The following CLVS1 variants were observed in gnomAD, a reference collection of about 807,000 sequenced individuals.
The protein encoded by CLVS1 is clavesin-1.
In CLVS1, 10 loss-of-function variants were observed where a neutral mutation model predicts 33.1. The observed-to-expected ratio is 0.30, with a 90% CI of 0.19 to 0.51. The LOEUF (loss-of-function observed/expected upper bound fraction) is 0.51, where lower values mean the gene tolerates loss of function less well. Ranked by LOEUF, CLVS1 falls within the 20% of genes least tolerant of loss-of-function variation. CLVS1 has a pLI of 0.97. For missense variants in CLVS1, 343 were observed against 433.4 expected (o/e 0.79, Z 1.85); for synonymous variants, 163 against 166.1 (o/e 0.98, Z 0.14).
intron 3 of CLVS1, among the ~76,000 whole-genome samples, chr8:61,394,752 A>T (rs1814449849): frequency 1.3e-5 from 2 of 152,042 alleles, no homozygotes; most frequent in South Asian, 4.1e-4. Context: ...TTTTTGAGGA[A>T]CTGTCATACT....
intron 5 of CLVS1, among the ~76,000 whole-genome samples, chr8:61,459,661 A>C (rs181233714): frequency 6.6e-6 from 1 of 152,002 alleles, no homozygotes; most frequent in Non-Finnish European, 1.5e-5. Flanking sequence ...TCTCAATCCC[A>C]TTTCCTCCCA....
chr8:61,437,290 A>C (rs1816365867), intron 3 of CLVS1, among the ~76,000 whole-genome samples: 1 of 152,216 alleles, frequency 6.6e-6, no homozygotes, highest in African/African-American at 2.4e-5. Flanking sequence ...TGAGGGGTGG[A>C]ACTGTACTGT....
At chr8:61,288,433 G>C (rs534608069) in intron 1 of CLVS1, among the ~76,000 whole-genome samples, 6 of 152,326 alleles carry the variant, frequency 3.9e-5, no homozygotes, top group African/African-American at 1.4e-4. Context: ...TCACACAACT[G>C]TGTCTTGCCA....
chr8:61,433,130 T>G (rs1490511373), intron 3 of CLVS1, among the ~76,000 whole-genome samples: 1 of 152,208 alleles, frequency 6.6e-6, no homozygotes, highest in Non-Finnish European at 1.5e-5. Context: ...ACTTTTGTAT[T>G]TTTTGTAGAG....
the CLVS1 span, among the ~76,000 whole-genome samples, chr8:60,979,203 T>C: frequency 1.3e-5 from 2 of 152,156 alleles, no homozygotes; most frequent in Non-Finnish European, 2.9e-5. Flanking sequence ...TGTTTTCTTA[T>C]CTATAAAGGG....
chr8:60,998,391 G>A, the CLVS1 span, among the ~76,000 whole-genome samples: 178 of 152,162 alleles, frequency 1.2e-3, no homozygotes, highest in Non-Finnish European at 2.1e-3. Context: ...ATGTCACACC[G>A]GAATACCCGA....
chr8:61,357,295 G>A (rs1023029398), intron 2 of CLVS1, among the ~76,000 whole-genome samples: 8 of 151,892 alleles, frequency 5.3e-5, no homozygotes, highest in Admixed American at 3.3e-4. Flanking sequence ...TAAAGTCAAC[G>A]ATCTATGGAA....
At chr8:61,314,894 T>C (rs940821284) in intron 2 of CLVS1, among the ~76,000 whole-genome samples, 1 of 152,242 alleles carries the variant, frequency 6.6e-6, no homozygotes, top group African/African-American at 2.4e-5. Flanking sequence ...TGTTGAATTA[T>C]GTGTTATAGG....
chr8:61,203,615 C>T (rs912201076), intron 2 of CLVS1, among the ~76,000 whole-genome samples: 1 of 151,888 alleles, frequency 6.6e-6, no homozygotes, highest in African/African-American at 2.4e-5. Flanking sequence ...CTATTTATTT[C>T]TAATCAAATG....
intron 2 of CLVS1, among the ~76,000 whole-genome samples, chr8:61,356,184 A>C (rs1563513193): frequency 1.3e-5 from 2 of 151,610 alleles, no homozygotes; most frequent in Admixed American, 6.6e-5. Context: ...GCATTTTTTC[A>C]TGTGTTTTTT....
the CLVS1 span, among the ~76,000 whole-genome samples, chr8:61,008,626 G>C: frequency 6.6e-6 from 1 of 152,042 alleles, no homozygotes; most frequent in African/African-American, 2.4e-5. Context: ...TGCCACCACA[G>C]CAGGCGGGCA....
At chr8:61,244,744 G>A (rs1179948435) in intron 2 of CLVS1, among the ~76,000 whole-genome samples, 1 of 151,858 alleles carries the variant, frequency 6.6e-6, no homozygotes, top group Non-Finnish European at 1.5e-5. Context: ...TGTGTATGGG[G>A]GTATAGGGGA....
At chr8:61,303,781 T>G (rs1810517919) in intron 2 of CLVS1, among the ~76,000 whole-genome samples, 1 of 152,138 alleles carries the variant, frequency 6.6e-6, no homozygotes, top group South Asian at 2.1e-4. Context: ...TATCTAACAG[T>G]ATGGTTGGGA....
the CLVS1 span, among the ~76,000 whole-genome samples, chr8:60,992,018 G>C: frequency 1.3e-5 from 2 of 152,124 alleles, no homozygotes; most frequent in Non-Finnish European, 2.9e-5. Context: ...AAGGTGCTGG[G>C]ATTACAGGCG....
chr8:61,483,530 C>G (rs1026047743), intron 5 of CLVS1, among the ~76,000 whole-genome samples: 1 of 152,202 alleles, frequency 6.6e-6, no homozygotes, highest in Non-Finnish European at 1.5e-5. Context: ...GGAGCTGGTA[C>G]CACTCCTTCT....
At chr8:61,194,935 T>C (rs57596723) in intron 2 of CLVS1, among the ~76,000 whole-genome samples, 78,057 of 151,280 alleles carry the variant, frequency 0.52, 20,845 homozygotes, top group Middle Eastern at 0.68. Context: ...AAAATTCTTA[T>C]ATGTTTTGAA....
At chr8:60,997,170 GT>G in the CLVS1 span, among the ~76,000 whole-genome samples, 1 of 152,168 alleles carries the variant, frequency 6.6e-6, no homozygotes, top group Admixed American at 6.5e-5. Context: ...AGGCTCAGGT[GT>G]GTGTGGCGGG....
At chr8:60,999,086 G>C in the CLVS1 span, among the ~76,000 whole-genome samples, 1 of 152,168 alleles carries the variant, frequency 6.6e-6, no homozygotes, top group African/African-American at 2.4e-5. Flanking sequence ...ATGGAGTGCA[G>C]GGTGGGAGAG....
chr8:61,217,688 G>C (rs1029861927), intron 2 of CLVS1, among the ~76,000 whole-genome samples: 11 of 152,158 alleles, frequency 7.2e-5, no homozygotes, highest in African/African-American at 2.7e-4. Context: ...CTTCTGCACA[G>C]CAAAAGGAAA....
Sources: gnomAD v4.1 joint callset for allele counts (sites outside exome capture counted in the v4.1 genomes callset) on GRCh38, gnomAD v4.1.1 for gene constraint, MANE v1.5 for transcripts, NCBI Gene and HGNC (gene_info 2026-07-23, HGNC 2026-07-21) for gene names.